NFIX: variants seen among roughly 807,000 people sequenced by gnomAD.
NFIX encodes the protein nuclear factor 1 X-type.
Under a neutral mutation model 53.3 loss-of-function variants are expected in NFIX, and 2 were observed. That is an observed-to-expected ratio of 0.04 (90% CI 0.02 to 0.12). The LOEUF is 0.12. NFIX is among the 10% of genes least tolerant of loss of function. The pLI is 1.00. For synonymous variants in NFIX, 244 were observed against 289.0 expected (o/e 0.84, Z 1.58); for missense variants, 310 against 674.5 (o/e 0.46, Z 5.99).
In NFIX at chr19:13,073,787, A is replaced by T. The variant is rs1234739661; in HGVS notation, c.698-119A>T. The T allele has an allele frequency of 5.1e-6, 7 of 1,385,450 alleles. No homozygotes were observed. The highest frequency in any genetic ancestry group is 7.0e-6 in the Non-Finnish European group (7 of 1,005,464). The allele number at this position is 1,385,450 out of a possible 1,614,324, so 85.8% of individuals were successfully genotyped here. ...CAGCCCAGATGGCCCACTTTCTCCC[A>T]TCTCCTGGCCCCACAGTAAACTCAC... On this transcript the variant is annotated intron_variant, in intron 4 of 10. Coordinates refer to ENST00000592199, the MANE Select transcript of NFIX (RefSeq NM_001365902.3). The surrounding 1 kb of genome is among the most constrained non-coding windows in gnomAD (Gnocchi z 4.5).
intron 1 of NFIX, among the ~76,000 whole-genome samples, chr19:12,997,588 G>C (rs1245905625): frequency 1.3e-5 from 2 of 152,294 alleles, no homozygotes; most frequent in Non-Finnish European, 2.9e-5. Flanking sequence ...GGGCCTCTTT[G>C]GTGCTACACT....
intron 1 of NFIX, among the ~76,000 whole-genome samples, chr19:13,016,305 G>A: frequency 6.6e-6 from 1 of 152,144 alleles, no homozygotes; most frequent in East Asian, 1.9e-4. Context: ...ATAGCGGGCT[G>A]ATATAAAAGC....
At position 13,073,564 on chromosome 19, in the gene NFIX, G is replaced by A. The variant is rs1245503672; in HGVS notation, c.697+68G>A. On this transcript the variant is annotated intron_variant, in intron 4 of 10. Transcript: ENST00000592199. This position sits in a 1 kb window ranked among gnomAD's most constrained non-coding sequence, Gnocchi z 4.5. ...GTGAGGAGGTGGGACCTCATGGGAT[G>A]TCCTCCTAATGGGGTCTTAGGGCAG... The A allele has an allele frequency of 2.1e-6, 3 of 1,409,826 alleles. No individual in the cohort carries two copies. In the Admixed American group the frequency reaches 5.0e-5, roughly 24 times the overall value. 87.3% of individuals were successfully genotyped at this position (1,409,826 alleles called of 1,614,324 possible). A position where few individuals can be genotyped will look rare whatever the true frequency, so the allele number is the denominator to read the frequency against.
At position 13,002,882 on chromosome 19, in the gene NFIX, G is replaced by A. The variant is rs1043053067; in HGVS notation, c.27+7018G>A. 2.0e-5 allele frequency among the ~76,000 whole-genome samples: 3 copies of A among 152,174 alleles called. No homozygotes were observed. The highest frequency in any genetic ancestry group is 4.4e-5 in the Non-Finnish European group (3 of 68,018). ...CAAGGACCCTGCCCCCTCAGCTGAAGCTCAGTGCCAGCCTTCCTGGCACAG... is the reference window on the plus strand; with the variant it reads ...CAAGGACCCTGCCCCCTCAGCTGAAACTCAGTGCCAGCCTTCCTGGCACAG... On this transcript the variant is annotated intron_variant, in intron 1 of 10. Transcript: ENST00000592199. This position sits in a 1 kb window ranked among gnomAD's most constrained non-coding sequence, Gnocchi z 6.1.
intron 2 of NFIX, among the ~76,000 whole-genome samples, chr19:13,054,497 A>G (rs536393060): frequency 6.6e-6 from 1 of 152,134 alleles, no homozygotes; most frequent in African/African-American, 2.4e-5. Context: ...GAGTCTCCAG[A>G]GTCTTGGGTG....
intron 2 of NFIX, among the ~76,000 whole-genome samples, chr19:13,053,812 G>A (rs558110088): frequency 4.6e-5 from 7 of 152,272 alleles, no homozygotes; most frequent in South Asian, 2.1e-4. Flanking sequence ...TGCCACTGCT[G>A]GGGTTGAGGT....
rs578009126 is a variant in NFIX at position 13,054,073 on chromosome 19, C to T, written c.560-18974C>T. 2.3e-4 allele frequency among the ~76,000 whole-genome samples: 35 copies of T among 152,334 alleles called. No individual in the cohort carries two copies. The South Asian group carries it at 3.9e-3, about 17-fold the overall frequency. On this transcript the variant is annotated intron_variant, in intron 2 of 10. Transcript: ENST00000592199. Reference sequence around the variant, plus strand: ...CTCCTCCCCCACCCAGCCTGCTTCCCGGCCTGACTCCTGGTAGCTCAGAGC... The same window carrying T: ...CTCCTCCCCCACCCAGCCTGCTTCCTGGCCTGACTCCTGGTAGCTCAGAGC...
At chr19:13,053,635 T>C (rs1362265148) in intron 2 of NFIX, among the ~76,000 whole-genome samples, 1 of 152,000 alleles carries the variant, frequency 6.6e-6, no homozygotes, top group Admixed American at 6.5e-5. Context: ...CATGTAGAGG[T>C]AGAGGCAGAG....
intron 7 of NFIX, among the ~76,000 whole-genome samples, chr19:13,079,511 G>T (rs2017329778): frequency 6.6e-6 from 1 of 152,250 alleles, no homozygotes; most frequent in African/African-American, 2.4e-5. Flanking sequence ...AAGAGGCCTG[G>T]ACTTTTTCTG....
In NFIX at chr19:13,060,778, A is replaced by G. The variant is rs578056757; in HGVS notation, c.560-12269A>G. Among the ~76,000 whole-genome samples, 11 of 151,398 alleles carry G rather than the reference A, an allele frequency of 7.3e-5. No individual in the cohort carries two copies. Among genetic ancestry groups the G allele is most frequent in the Admixed American group, 6.6e-4 (10 of 15,232 alleles). ...TCAGGGGGATGGGGGGGTCGGCCTC[A>G]CCTCGGCTAACCTCCCAGCGGAACA... On this transcript the variant is annotated intron_variant, in intron 2 of 10. Coordinates refer to ENST00000592199, the MANE Select transcript of NFIX (RefSeq NM_001365902.3). This position sits in a 1 kb window ranked among gnomAD's most constrained non-coding sequence, Gnocchi z 4.3.
intron 2 of NFIX, among the ~76,000 whole-genome samples, chr19:13,047,250 A>T (rs1291817225): frequency 6.7e-6 from 1 of 149,884 alleles, no homozygotes; most frequent in Non-Finnish European, 1.5e-5. Context: ...TTTTTTTTTT[A>T]AAGTAGGACG....
chr19:13,007,645 C>T (rs965304123), intron 1 of NFIX, among the ~76,000 whole-genome samples: 5 of 152,206 alleles, frequency 3.3e-5, no homozygotes, highest in African/African-American at 1.2e-4. Context: ...CAAGCCTCGC[C>T]TTCGGTACTT....
In NFIX at chr19:13,097,148, G is replaced by A. The variant is rs2018512630; in HGVS notation, c.*2499G>A. The A allele has an allele frequency of 6.6e-6, 1 of 150,814 alleles. No homozygotes were observed. The highest frequency in any genetic ancestry group is 2.4e-5 in the African/African-American group (1 of 41,154). The allele number at this position is 150,814 out of a possible 1,614,324, so 9.3% of individuals were successfully genotyped here. A position where few individuals can be genotyped will look rare whatever the true frequency, so the allele number is the denominator to read the frequency against. ...CTGCCCCGCCCTGCGCGGGGATAAC[G>A]AAAGCTGAGTGTTTTTCCCTTTTTT... On this transcript the variant is annotated 3_prime_UTR_variant, in exon 11 of 11. Coordinates refer to ENST00000592199, the MANE Select transcript of NFIX (RefSeq NM_001365902.3).
chr19:13,081,558 G>T lies in NFIX; in HGVS notation c.1079-122G>T. ...CGCCTTAACTTTTGTGCCTGTGGCG[G>T]CTGCCTTACCTGCTCAGGATCCTCA... On this transcript the variant is annotated intron_variant, in intron 7 of 10. Coordinates refer to ENST00000592199, the MANE Select transcript of NFIX (RefSeq NM_001365902.3). This position sits in a 1 kb window ranked among gnomAD's most constrained non-coding sequence, Gnocchi z 4.7. 1.1e-6 allele frequency: 1 copy of T among 948,352 alleles called. No individual in the cohort carries two copies. The highest frequency in any genetic ancestry group is 1.5e-6 in the Non-Finnish European group (1 of 667,466). 58.7% of individuals were successfully genotyped at this position (948,352 alleles called of 1,614,324 possible). A position where few individuals can be genotyped will look rare whatever the true frequency, so the allele number is the denominator to read the frequency against.
intron 2 of NFIX, among the ~76,000 whole-genome samples, chr19:13,061,136 G>C (rs1275365989): frequency 6.8e-6 from 1 of 147,386 alleles, no homozygotes; most frequent in Non-Finnish European, 1.5e-5. Context: ...AAGCAGGCAG[G>C]ATTCAGAGCG....
Position 13,073,192 on chromosome 19 carries a change from C to T in NFIX, c.622+83C>T. On this transcript the variant is annotated intron_variant, in intron 3 of 10. Transcript: ENST00000592199. The surrounding 1 kb of genome is among the most constrained non-coding windows in gnomAD (Gnocchi z 4.5). ...CCCCACCCTGGCTGCCCTGGCCACC[C>T]TCACTTCTTCCCCTTCATTCAGCTG... 1 of 1,320,798 alleles carries T rather than the reference C, an allele frequency of 7.6e-7. No individual in the cohort carries two copies. The highest frequency in any genetic ancestry group is 1.1e-6 in the Non-Finnish European group (1 of 913,086). 81.8% of individuals were successfully genotyped at this position (1,320,798 alleles called of 1,614,324 possible).
Position 13,049,075 on chromosome 19 carries a change from TA to T in NFIX, c.559+23532del, listed in dbSNP as rs895655453. On this transcript the variant is annotated intron_variant, in intron 2 of 10. Coordinates refer to ENST00000592199, the MANE Select transcript of NFIX (RefSeq NM_001365902.3). The surrounding 1 kb of genome is among the most constrained non-coding windows in gnomAD (Gnocchi z 4.5). ...CTGGGCGACAGAGCAAGACTCTGTC[TA>T]AAAAAAAACAAAACAAAACAAAAAT... Among the ~76,000 whole-genome samples the T allele has an allele frequency of 1.3e-5, 2 of 149,410 alleles. No individual in the cohort carries two copies. The highest frequency in any genetic ancestry group is 2.5e-5 in the African/African-American group (1 of 40,618).
At chr19:13,023,466 C>A (rs1039507803) in intron 1 of NFIX, among the ~76,000 whole-genome samples, 1 of 152,016 alleles carries the variant, frequency 6.6e-6, no homozygotes, top group African/African-American at 2.4e-5. Context: ...AGTTTACACC[C>A]CTGTGCCGCT....
intron 7 of NFIX, among the ~76,000 whole-genome samples, chr19:13,079,019 G>A (rs755797280): frequency 6.6e-6 from 1 of 152,172 alleles, no homozygotes; most frequent in Admixed American, 6.5e-5. Context: ...AGCCTGTCCC[G>A]AGTCCTCCCC....
Sources: gnomAD v4.1 joint callset for allele counts (sites outside exome capture counted in the v4.1 genomes callset) on GRCh38, gnomAD v4.1.1 for gene constraint, Gnocchi (gnomAD v3.1) non-coding constraint, MANE v1.5 for transcripts, NCBI Gene and HGNC (gene_info 2026-07-23, HGNC 2026-07-21) for gene names.